Variants in GOLGA4 observed in about 807,000 individuals in gnomAD.
The protein encoded by GOLGA4 is golgin A4.
In GOLGA4, 169 loss-of-function variants were observed where a neutral mutation model predicts 265.9. That is an observed-to-expected ratio of 0.64 (90% confidence interval 0.56 to 0.72). The LOEUF is 0.72. Ranked by LOEUF, GOLGA4 falls within the 30% of genes least tolerant of loss-of-function variation. The probability of loss-of-function intolerance (pLI) is 0.00; values close to 1 mark genes in which losing one functional copy is unlikely to be tolerated. For missense variants in GOLGA4, 2,482 were observed against 2,483.4 expected, an observed-to-expected ratio of 1.00 and a Z score of 0.01; for synonymous variants, 923 against 855.8, an observed-to-expected ratio of 1.08 and a Z score of -1.37.
At chr3:37,321,678 G>A (rs2096955275) in intron 12 of GOLGA4, 53 bp from the exon 13 acceptor site, 3 of 1,502,588 alleles carry the variant, frequency 2.0e-6, no homozygotes, top group South Asian at 2.5e-5. Flanking sequence ...AGTACTTTGC[G>A]AATGCTGAAG....
intron 12 of GOLGA4, among the ~76,000 whole-genome samples, chr3:37,321,258 T>C (rs1053198504): frequency 6.6e-6 from 1 of 152,192 alleles, no homozygotes; most frequent in Admixed American, 6.5e-5. Context: ...TTTATAGATA[T>C]TGTCTTGATC....
Position 37,325,490 on chromosome 3 carries a change from A to C in GOLGA4, c.3604A>C (p.Lys1202Gln), listed in dbSNP as rs368360349. The change falls in exon 14 of 24, where the codon AAG (lysine) becomes CAG (glutamine). Residue 1202 changes from lysine to glutamine, a missense_variant. Physicochemically the swap from Lys to Gln is moderately conservative, Grantham distance 53 (BLOSUM62 1). Around this residue, in one of 3 missense-constraint regions of GOLGA4, gnomAD observed 1,536 missense variants for 1,483.7 expected, o/e 1.04. Transcript: ENST00000361924. ...HEKSNKSLED[K>Q]SLEFKKLSEE... is the part of the protein sequence containing the mutation. ...AAAAAGTAACAAAAGCCTAGAGGAC[A>C]AGAGCTTGGAATTTAAAAAACTGTC... 6.2e-7 allele frequency: 1 copy of C among 1,613,738 alleles called. No homozygotes were observed. Among genetic ancestry groups the C allele is most frequent in the African/African-American group, 1.3e-5 (1 of 75,042 alleles).
intron 11 of GOLGA4, among the ~76,000 whole-genome samples, chr3:37,318,078 A>G (rs752054860): frequency 1.1e-4 from 17 of 151,980 alleles, no homozygotes; most frequent in Admixed American, 3.3e-4. Flanking sequence ...TTTACTGTTA[A>G]CATCTTTGAT....
intron 4 of GOLGA4, among the ~76,000 whole-genome samples, chr3:37,287,376 T>A (rs1357121492): frequency 6.6e-6 from 1 of 152,198 alleles, no homozygotes; most frequent in African/African-American, 2.4e-5. Flanking sequence ...CTTTGCTCTC[T>A]TTTCTACATG....
intron 2 of GOLGA4, among the ~76,000 whole-genome samples, chr3:37,258,567 A>T (rs548255639): frequency 8.5e-5 from 13 of 152,230 alleles, no homozygotes; most frequent in African/African-American, 3.1e-4. Context: ...ACCTCAAGTG[A>T]TCTGCCCACC....
intron 2 of GOLGA4, among the ~76,000 whole-genome samples, chr3:37,257,940 C>CATAT (rs36161155): frequency 3.9e-5 from 3 of 75,952 alleles, no homozygotes; most frequent in African/African-American, 2.1e-4. Flanking sequence ...TATATACATA[C>CATAT]ATATATATGT....
intron 10 of GOLGA4, among the ~76,000 whole-genome samples, chr3:37,305,078 T>C (rs1240359791): frequency 1.3e-5 from 2 of 151,972 alleles, no homozygotes; most frequent in Admixed American, 1.3e-4. Flanking sequence ...GCCACCACAC[T>C]TGGCTAATTT....
intron 23 of GOLGA4, among the ~76,000 whole-genome samples, chr3:37,365,338 G>A (rs576863375): frequency 3.9e-5 from 6 of 152,068 alleles, no homozygotes; most frequent in Admixed American, 3.3e-4. Flanking sequence ...GCATGATCTC[G>A]GCTTACTGCA....
chr3:37,337,306 C>T, intron 18 of GOLGA4, 143 bp downstream of exon 18: 1 of 619,250 alleles, frequency 1.6e-6, no homozygotes, highest in Non-Finnish European at 2.8e-6. Flanking sequence ...TTCAGGTATT[C>T]TCATGCCTTA....
At chr3:37,323,076 A>G (rs2096959524) in intron 13 of GOLGA4, among the ~76,000 whole-genome samples, 1 of 148,790 alleles carries the variant, frequency 6.7e-6, no homozygotes, top group Non-Finnish European at 1.5e-5. Flanking sequence ...ATCTGAAAGT[A>G]TGAGTTGGGT....
Position 37,286,170 on chromosome 3 carries a change from G to T in GOLGA4, c.525+109G>T, listed in dbSNP as rs1250941119. ...TTTTTTTTTTTTTTTTTTTTGAGACGGAGTCTCGCTCTGTCGCCCAGGCTG... is the reference window on the plus strand; with the variant it reads ...TTTTTTTTTTTTTTTTTTTTGAGACTGAGTCTCGCTCTGTCGCCCAGGCTG... On this transcript the variant is annotated intron_variant, in intron 4 of 23. Transcript: ENST00000361924. The T allele has an allele frequency of 1.4e-5, 7 of 505,848 alleles. No individual in the cohort carries two copies. The South Asian group carries it at 1.5e-4, about 11-fold the overall frequency. 31.3% of individuals were successfully genotyped at this position (505,848 alleles called of 1,614,324 possible).
chr3:37,348,461 C>A (rs1487196029), intron 21 of GOLGA4, among the ~76,000 whole-genome samples: 2 of 151,952 alleles, frequency 1.3e-5, no homozygotes, highest in Admixed American at 6.6e-5. Flanking sequence ...AACTAATTTT[C>A]TCCTTATCTT....
chr3:37,243,435 G>A lies in GOLGA4; in HGVS notation c.-116G>A. Reference sequence around the variant, plus strand: ...ACAGCCTCAAGGAGGAGACGGCGAGGCCCGGCCCCCGCTGTCCCTGGTGTA... The same window carrying A: ...ACAGCCTCAAGGAGGAGACGGCGAGACCCGGCCCCCGCTGTCCCTGGTGTA... On this transcript the variant is annotated 5_prime_UTR_variant, in exon 1 of 24. Coordinates refer to ENST00000361924, the MANE Select transcript of GOLGA4 (RefSeq NM_002078.5). 1.2e-6 allele frequency: 1 copy of A among 864,578 alleles called. No homozygotes were observed. The highest frequency in any genetic ancestry group is 1.9e-6 in the Non-Finnish European group (1 of 516,430). The allele number at this position is 864,578 out of a possible 1,614,324, so 53.6% of individuals were successfully genotyped here. A position where few individuals can be genotyped will look rare whatever the true frequency, so the allele number is the denominator to read the frequency against.
chr3:37,270,580 G>T (rs1269479642), intron 2 of GOLGA4, among the ~76,000 whole-genome samples: 2 of 152,164 alleles, frequency 1.3e-5, no homozygotes, highest in African/African-American at 4.8e-5. Flanking sequence ...ACAGAATATG[G>T]ACTCTTGCTG....
intron 11 of GOLGA4, among the ~76,000 whole-genome samples, chr3:37,316,809 T>C (rs548597173): frequency 6.6e-6 from 1 of 152,266 alleles, no homozygotes; most frequent in Non-Finnish European, 1.5e-5. Flanking sequence ...GATTTTTTTT[T>C]CTTTTCCTTA....
chr3:37,257,456 C>T (rs2096751984), intron 2 of GOLGA4, among the ~76,000 whole-genome samples: 1 of 152,032 alleles, frequency 6.6e-6, no homozygotes, highest in Non-Finnish European at 1.5e-5. Context: ...CAGGTTTTCT[C>T]ATTTGTAAAA....
chr3:37,324,398 C>G lies in GOLGA4; in HGVS notation c.2512C>G (p.Leu838Val). The G allele has an allele frequency of 1.2e-6, 2 of 1,614,138 alleles. No homozygotes were observed. The highest frequency in any genetic ancestry group is 1.7e-6 in the Non-Finnish European group (2 of 1,179,984). The change falls in exon 14 of 24, where the codon CTT becomes GTT. Residue 838 changes from leucine to valine, a missense_variant. Physicochemically the swap from Leu to Val is conservative, Grantham distance 32. This residue lies in a region of GOLGA4 where 1,536 missense variants were observed against 1,483.7 expected (regional missense o/e 1.04). Coordinates refer to ENST00000361924, the MANE Select transcript of GOLGA4 (RefSeq NM_002078.5). Reference protein sequence around the residue: ...LLDLETERILLTKQVAEVEAQ... With the variant: ...LLDLETERILVTKQVAEVEAQ... ...GGATTTGGAAACAGAAAGAATTCTT[C>G]TTACCAAACAGGTTGCTGAAGTTGA...
chr3:37,291,107 T>C (rs2096863417), intron 5 of GOLGA4, among the ~76,000 whole-genome samples: 1 of 152,194 alleles, frequency 6.6e-6, no homozygotes, highest in Admixed American at 6.5e-5. Flanking sequence ...AGAGCAGGCA[T>C]GTTTAAAATT....
chr3:37,337,645 T>A, intron 18 of GOLGA4, 21 bp from the exon 19 acceptor site: 1 of 1,558,812 alleles, frequency 6.4e-7, no homozygotes, highest in Non-Finnish European at 8.9e-7. Context: ...GCATTTCAGA[T>A]CTGACTTTTT....
Sources: allele counts gnomAD v4.1 joint callset (sites outside exome capture counted in the v4.1 genomes callset), GRCh38; gene constraint gnomAD v4.1.1; regional missense constraint gnomAD v4.1.1; transcripts MANE v1.5; gene names NCBI Gene and HGNC (gene_info 2026-07-23, HGNC 2026-07-21).